Variants in IGDCC4 observed in about 807,000 individuals in gnomAD.
IGDCC4 encodes the protein likely ortholog of mouse neighbor of Punc E11.
IGDCC4 carries 72 observed loss-of-function variants against 116.6 expected under a neutral mutation model. The observed-to-expected ratio is 0.62, with a 90% confidence interval of 0.51 to 0.75. The LOEUF (loss-of-function observed/expected upper bound fraction) is 0.75, where lower values mean the gene tolerates loss of function less well. Ranked by LOEUF, IGDCC4 falls within the 30% of genes least tolerant of loss-of-function variation. The pLI, the probability that IGDCC4 is intolerant of heterozygous loss-of-function variation, is 0.00. For synonymous variants in IGDCC4, 709 were observed against 719.9 expected, an observed-to-expected ratio of 0.98 and a Z score of 0.24; for missense variants, 1,501 against 1,662.4, an observed-to-expected ratio of 0.90 and a Z score of 1.69.
chr15:65,420,220 T>G (rs757567890), intron 1 of IGDCC4, among the ~76,000 whole-genome samples: 3 of 152,220 alleles, frequency 2.0e-5, no homozygotes, highest in Non-Finnish European at 4.4e-5. Flanking sequence ...GTGCTGGGAT[T>G]ACAGGCGTGA....
intron 10 of IGDCC4, among the ~76,000 whole-genome samples, chr15:65,392,794 T>C (rs1331098095): frequency 1.3e-5 from 2 of 152,148 alleles, no homozygotes; most frequent in Non-Finnish European, 2.9e-5. Context: ...GGAGACCCAC[T>C]TGAGAGTGAG....
chr15:65,396,854 G>T lies in IGDCC4; in HGVS notation c.977C>A (p.Ala326Asp). Residue 326 changes from alanine (A) to aspartate (D), a missense_variant, in exon 6 of 20, where the codon GCC (alanine) becomes GAC (aspartate). Ala to Asp is a moderately radical substitution (Grantham distance 126, BLOSUM62 -2). This residue lies in a region of IGDCC4 where 898 missense variants were observed against 978.9 expected (regional missense o/e 0.92). Coordinates refer to ENST00000352385, the MANE Select transcript of IGDCC4 (RefSeq NM_020962.3). ...CTCACCCAGCACACGGAGCTCAGCG[G>T]CTGCAGTGGCGAAGTCGCGCGTGCG... ...KPRTRDFATA[A>D]AELRVLAAPA... is the part of the protein sequence containing the mutation. 3.8e-6 allele frequency: 6 copies of T among 1,574,952 alleles called. No individual in the cohort carries two copies. The highest frequency in any genetic ancestry group is 5.2e-6 in the Non-Finnish European group (6 of 1,160,390).
intron 3 of IGDCC4, among the ~76,000 whole-genome samples, chr15:65,409,517 G>A (rs541280798): frequency 6.6e-6 from 1 of 152,322 alleles, no homozygotes; most frequent in African/African-American, 2.4e-5. Context: ...GAGCCTTGTG[G>A]TTTCTGGTAC....
intron 13 of IGDCC4, 100 bp downstream of exon 13, chr15:65,390,055 C>CCCTTCCCTGATCA: frequency 1.9e-6 from 2 of 1,078,208 alleles, no homozygotes; most frequent in Non-Finnish European, 2.7e-6. Flanking sequence ...GTTCCTGAAT[C>CCCTTCCCTGATCA]CCAGGGGCCC....
intron 1 of IGDCC4, among the ~76,000 whole-genome samples, chr15:65,415,534 C>G (rs770157487): frequency 5.3e-5 from 8 of 152,304 alleles, no homozygotes; most frequent in Non-Finnish European, 1.2e-4. Flanking sequence ...AGACGGGGTC[C>G]CCCTCAGAGA....
In IGDCC4 at chr15:65,393,311, C is replaced by A; in HGVS notation, c.1885+50G>T. 4 of 1,528,442 alleles carry A rather than the reference C, an allele frequency of 2.6e-6. No individual in the cohort carries two copies. Among genetic ancestry groups the A allele is most frequent in the Non-Finnish European group, 2.7e-6 (3 of 1,132,032 alleles). 94.7% of individuals were successfully genotyped at this position (1,528,442 alleles called of 1,614,324 possible). On this transcript the variant is annotated intron_variant, in intron 10 of 19. Transcript: ENST00000352385. The surrounding 1 kb of genome is among the most constrained non-coding windows in gnomAD (Gnocchi z 4.6). Reference sequence around the variant, plus strand: ...GCGCTGGGTCCCAAGGACACACGCACACCCACACAGTCACACACACACTGT... The same window carrying A: ...GCGCTGGGTCCCAAGGACACACGCAAACCCACACAGTCACACACACACTGT...
intron 1 of IGDCC4, among the ~76,000 whole-genome samples, chr15:65,414,217 T>A (rs1286642584): frequency 1.9e-4 from 29 of 152,182 alleles, no homozygotes; most frequent in Admixed American, 1.9e-3. Context: ...GGCCTGGGAT[T>A]GCAGTGTGAA....
Position 65,390,290 on chromosome 15 carries a change from G to A in IGDCC4, c.2273C>T (p.Ala758Val), listed in dbSNP as rs758067780. 3 of 1,612,190 alleles carry A rather than the reference G, an allele frequency of 1.9e-6. No homozygotes were observed. Among genetic ancestry groups the A allele is most frequent in the Non-Finnish European group, 2.5e-6 (3 of 1,178,546 alleles). Residue 758 changes from alanine (A) to valine (V), a missense_variant, in exon 13 of 20, where the codon GCG (alanine) becomes GTG (valine). By Grantham distance (64) the Ala-to-Val change is moderately conservative. Around this residue, in one of 3 missense-constraint regions of IGDCC4, gnomAD observed 235 missense variants for 328.0 expected, o/e 0.72. Coordinates refer to ENST00000352385, the MANE Select transcript of IGDCC4 (RefSeq NM_020962.3). Reference protein sequence around the residue: ...GPPLPPAHVHAESNSSTSIWL... With the variant: ...GPPLPPAHVHVESNSSTSIWL... ...GATGGATGTGGAGCTGTTTGATTCC[G>A]CATGGACGTGGGCTGGAGGCAGGGG...
At chr15:65,410,675 G>A (rs1474001221) in intron 2 of IGDCC4, 1 of 460,016 alleles carries the variant, frequency 2.2e-6, no homozygotes, top group East Asian at 3.9e-5. Flanking sequence ...TGTTCCACCT[G>A]CCGTGCAGGC....
In IGDCC4 at chr15:65,392,117, C is replaced by T. The variant is rs1344271227; in HGVS notation, c.2122+17G>A. 4 of 1,540,150 alleles carry T rather than the reference C, an allele frequency of 2.6e-6. No homozygotes were observed. The highest frequency in any genetic ancestry group is 1.9e-5 in the Admixed American group (1 of 52,164). ...GAAGCTACATCCCTCCCTCCCCCTC[C>T]CCCCAGCCCTCCTCACCTAGCTGGG... is the stretch of plus-strand genomic sequence containing the variant. On this transcript the variant is annotated intron_variant, in intron 11 of 19. Coordinates refer to ENST00000352385, the MANE Select transcript of IGDCC4 (RefSeq NM_020962.3).
At chr15:65,410,806 CAG>C (rs2063083758) in intron 2 of IGDCC4, 2 of 579,050 alleles carry the variant, frequency 3.5e-6, no homozygotes, top group African/African-American at 1.9e-5. Context: ...GCAGAAGGAA[CAG>C]GGGAGTGGAG....
At chr15:65,395,678 TC>T in intron 7 of IGDCC4, 71 bp downstream of exon 7, 1 of 1,372,198 alleles carries the variant, frequency 7.3e-7, no homozygotes, top group Non-Finnish European at 9.5e-7. Flanking sequence ...CCTTCAGTCA[TC>T]CGACCTGAAC....
chr15:65,400,498 T>C (rs1239140092), intron 5 of IGDCC4, among the ~76,000 whole-genome samples: 2 of 152,174 alleles, frequency 1.3e-5, no homozygotes, highest in African/African-American at 4.8e-5. Context: ...GGAACAGAAA[T>C]ATGTAATTAT....
Position 65,393,560 on chromosome 15 carries a change from G to T in IGDCC4, c.1715-29C>A. The T allele has an allele frequency of 6.4e-7, 1 of 1,566,090 alleles. No individual in the cohort carries two copies. The highest frequency in any genetic ancestry group is 8.7e-7 in the Non-Finnish European group (1 of 1,150,844). ...CAGGGACAGAAAAGGTGGGCTGCTG[G>T]GTAGCCACCTGAGGAACAGGATCCT... On this transcript the variant is annotated intron_variant, in intron 9 of 19. Coordinates refer to ENST00000352385, the MANE Select transcript of IGDCC4 (RefSeq NM_020962.3). This position sits in a 1 kb window ranked among gnomAD's most constrained non-coding sequence, Gnocchi z 4.6.
rs1290356613 is a variant in IGDCC4, at chr15:65,392,489, G to C, written c.1886-119C>G. The stretch of plus-strand genomic sequence containing the variant: ...GGAAGAGACAGGAAGATGGCATTCA[G>C]TGAGAGCCTTTTGCCAGCATTCTCC... On this transcript the variant is annotated intron_variant, in intron 10 of 19. Transcript: ENST00000352385. The C allele has an allele frequency of 8.0e-6, 6 of 749,126 alleles. No homozygotes were observed. In the East Asian group the frequency reaches 1.6e-4, roughly 20 times the overall value. The allele number at this position is 749,126 out of a possible 1,614,324, so 46.4% of individuals were successfully genotyped here. A position where few individuals can be genotyped will look rare whatever the true frequency, so the allele number is the denominator to read the frequency against.
At chr15:65,394,650 T>A in intron 8 of IGDCC4, 102 bp from the exon 9 acceptor site, 1 of 1,190,718 alleles carries the variant, frequency 8.4e-7, no homozygotes, top group Non-Finnish European at 1.2e-6. Flanking sequence ...AAGTCAGAAG[T>A]AGGCCAGGAC....
intron 11 of IGDCC4, 65 bp from the exon 12 acceptor site, chr15:65,392,046 A>G: frequency 1.9e-6 from 3 of 1,548,360 alleles, no homozygotes; most frequent in Non-Finnish European, 2.6e-6. Context: ...GTCCACAGAG[A>G]GCATCCCATC....
At chr15:65,406,161 T>A (rs911095152) in intron 3 of IGDCC4, among the ~76,000 whole-genome samples, 2 of 152,258 alleles carry the variant, frequency 1.3e-5, no homozygotes, top group Admixed American at 6.5e-5. Flanking sequence ...TCCAGATACA[T>A]GGCTTTTTAT....
chr15:65,386,787 G>A (rs2091465063), intron 16 of IGDCC4, 131 bp from the exon 17 acceptor site: 2 of 671,754 alleles, frequency 3.0e-6, no homozygotes, highest in Admixed American at 2.6e-5. Context: ...ACAATCTTCT[G>A]ATACAAGGAC....
Sources: allele counts gnomAD v4.1 joint callset (sites outside exome capture counted in the v4.1 genomes callset), GRCh38; gene constraint gnomAD v4.1.1; regional missense constraint gnomAD v4.1.1; non-coding constraint Gnocchi (gnomAD v3.1); transcripts MANE v1.5; gene names NCBI Gene and HGNC (gene_info 2026-07-23, HGNC 2026-07-21).